The following EPS15 variants were observed in gnomAD, a reference collection of about 807,000 sequenced individuals.
EPS15 encodes the protein epidermal growth factor receptor pathway substrate 15, also known as epidermal growth factor receptor substrate 15.
Under a neutral mutation model 113.8 loss-of-function variants are expected in EPS15, and 72 were observed. That is an observed-to-expected ratio of 0.63 (90% CI 0.52 to 0.77). The LOEUF (loss-of-function observed/expected upper bound fraction) is 0.77. Ranked by LOEUF, EPS15 falls within the 30% of genes least tolerant of loss-of-function variation. The pLI, the probability that EPS15 is intolerant of heterozygous loss-of-function variation, is 0.00. For missense variants in EPS15, 1,048 were observed against 1,045.8 expected (o/e 1.00, Z -0.03); for synonymous variants, 344 against 363.4 (o/e 0.95, Z 0.61).
At chr1:51,363,191 G>A (rs544100452) in intron 23 of EPS15, among the ~76,000 whole-genome samples, 6 of 151,676 alleles carry the variant, frequency 4.0e-5, no homozygotes, top group Admixed American at 3.3e-4. Flanking sequence ...CCAACTACTC[G>A]GGAGGCTGAG....
intron 21 of EPS15, chr1:51,372,557 A>G (rs769211746): frequency 5.7e-6 from 3 of 527,282 alleles, no homozygotes; most frequent in African/African-American, 1.9e-5. Context: ...CACAGGCCCT[A>G]AACTACACAA....
intron 12 of EPS15, among the ~76,000 whole-genome samples, chr1:51,429,643 GTTT>G (rs57230294): frequency 7.7e-6 from 1 of 129,964 alleles, no homozygotes; most frequent in African/African-American, 2.7e-5. Flanking sequence ...GTTGTTGTTG[GTTT>G]TTTTTTTTTT....
At chr1:51,490,337 G>A (rs927213124) in intron 1 of EPS15, 28 of 438,790 alleles carry the variant, frequency 6.4e-5, no homozygotes, top group Non-Finnish European at 9.1e-5. Context: ...CGGCCAAAGC[G>A]GGCAAATCAC....
rs367884236 is a variant in EPS15 at position 51,438,415 on chromosome 1, C to T, written c.1040+1932G>A. ...AAAAGTTATTGAAAGATTAGTTGAC[C>T]AAAATGTAACAAATAATGTTTTCAA... On this transcript the variant is annotated intron_variant, in intron 12 of 24. Transcript: ENST00000371733. Among the ~76,000 whole-genome samples the T allele has an allele frequency of 1.6e-4, 24 of 152,106 alleles. No individual in the cohort carries two copies. The South Asian group carries it at 1.7e-3, about 11-fold the overall frequency.
chr1:51,381,205 T>C (rs759200076), intron 21 of EPS15, among the ~76,000 whole-genome samples: 2 of 152,200 alleles, frequency 1.3e-5, no homozygotes, highest in Admixed American at 6.5e-5. Context: ...AGAATACACA[T>C]TTTCTCAAGT....
At chr1:51,368,886 G>A (rs1237936058) in intron 21 of EPS15, among the ~76,000 whole-genome samples, 2 of 152,072 alleles carry the variant, frequency 1.3e-5, no homozygotes, top group Middle Eastern at 3.2e-3. Context: ...TATAGGCCAC[G>A]TGCCCGGCTC....
intron 2 of EPS15, among the ~76,000 whole-genome samples, chr1:51,480,271 A>G (rs1161845323): frequency 6.6e-6 from 1 of 152,252 alleles, no homozygotes; most frequent in Non-Finnish European, 1.5e-5. Context: ...TGAGACTGTT[A>G]GAAAAAATAA....
chr1:51,416,731 T>C (rs1650255234), intron 13 of EPS15, among the ~76,000 whole-genome samples: 2 of 152,036 alleles, frequency 1.3e-5, no homozygotes, highest in African/African-American at 4.8e-5. Context: ...CTGATGAAGT[T>C]ACTTTAAAAG....
At chr1:51,478,203 A>C (rs1643949795) in intron 2 of EPS15, among the ~76,000 whole-genome samples, 2 of 152,122 alleles carry the variant, frequency 1.3e-5, no homozygotes, top group African/African-American at 2.4e-5. Flanking sequence ...CTTTACCATT[A>C]TGTAATGGCC....
At chr1:51,465,224 A>G (rs1654758967) in intron 6 of EPS15, 37 bp downstream of exon 6, 9 of 1,321,178 alleles carry the variant, frequency 6.8e-6, no homozygotes, top group Non-Finnish European at 9.8e-6. Flanking sequence ...ATAGGAAGCA[A>G]TGAAGGGGTG....
chr1:51,361,805 C>G (rs1286306627), intron 23 of EPS15, among the ~76,000 whole-genome samples: 1 of 152,180 alleles, frequency 6.6e-6, no homozygotes, highest in African/African-American at 2.4e-5. Context: ...CCTCTGAAAA[C>G]TGGGAAAATT....
intron 1 of EPS15, among the ~76,000 whole-genome samples, chr1:51,508,338 G>GAGAAAA (rs1644553579): frequency 1.6e-5 from 2 of 122,248 alleles, no homozygotes; most frequent in South Asian, 2.7e-4. Flanking sequence ...AAGAGAAAGA[G>GAGAAAA]AGAAAGAAAG....
At chr1:51,359,688 G>A (rs754056811) in intron 24 of EPS15, among the ~76,000 whole-genome samples, 2 of 151,626 alleles carry the variant, frequency 1.3e-5, no homozygotes, top group African/African-American at 2.4e-5. Flanking sequence ...AACCTGGGAG[G>A]TGAAGGTTGT....
At chr1:51,448,851 A>G (rs892226726) in intron 8 of EPS15, among the ~76,000 whole-genome samples, 20 of 152,224 alleles carry the variant, frequency 1.3e-4, no homozygotes, top group Non-Finnish European at 2.5e-4. Flanking sequence ...ATATGCCTAA[A>G]AGCAGGATAT....
chr1:51,394,402 C>T lies in EPS15; in HGVS notation c.2098G>A (p.Val700Ile), dbSNP rs760883498. 1.2e-6 allele frequency: 2 copies of T among 1,600,422 alleles called. No individual in the cohort carries two copies. The highest frequency in any genetic ancestry group is 4.5e-5 in the East Asian group (2 of 44,646). ...TTACCTGAATCGCTTGCTGCAACAA[C>T]TGTTCCACCAGGAGCAAAAGGATCA... Reference protein sequence around the residue: ...HNDPFAPGGTVVAASDSATDP... With the variant: ...HNDPFAPGGTIVAASDSATDP... The change falls in exon 21 of 25, where the codon GTT (valine) becomes ATT (isoleucine). Residue 700 changes from valine (V) to isoleucine (I), a missense_variant. Physicochemically the swap from Val to Ile is conservative, Grantham distance 29 (BLOSUM62 3). Transcript: ENST00000371733.
intron 8 of EPS15, among the ~76,000 whole-genome samples, chr1:51,454,638 A>G (rs1557485855): frequency 6.6e-6 from 1 of 152,200 alleles, no homozygotes; most frequent in Non-Finnish European, 1.5e-5. Flanking sequence ...CAAAAATGTC[A>G]AGGTCATAAA....
At chr1:51,389,990 A>C (rs1647216861) in intron 21 of EPS15, among the ~76,000 whole-genome samples, 2 of 152,196 alleles carry the variant, frequency 1.3e-5, no homozygotes, top group Non-Finnish European at 2.9e-5. Context: ...GGAACCAAAA[A>C]AGAGCCTGCA....
chr1:51,375,634 T>C (rs1570121420), intron 21 of EPS15, among the ~76,000 whole-genome samples: 1 of 152,220 alleles, frequency 6.6e-6, no homozygotes, highest in Admixed American at 6.5e-5. Flanking sequence ...TAAAAACCTA[T>C]ATACATATCT....
intron 12 of EPS15, among the ~76,000 whole-genome samples, chr1:51,433,865 C>T (rs1322001354): frequency 6.6e-6 from 1 of 152,128 alleles, no homozygotes; most frequent in African/African-American, 2.4e-5. Context: ...TAGTAGATGA[C>T]AAAATATTAA....
Sources: allele counts gnomAD v4.1 joint callset (sites outside exome capture counted in the v4.1 genomes callset), GRCh38; gene constraint gnomAD v4.1.1; transcripts MANE v1.5; gene names NCBI Gene and HGNC (gene_info 2026-07-23, HGNC 2026-07-21).